SYT1: variants seen among roughly 807,000 people sequenced by gnomAD.
SYT1 encodes synaptotagmin-1.
Under a neutral mutation model 44.8 loss-of-function variants are expected in SYT1, and 8 were observed. That is an observed-to-expected ratio of 0.18 (90% CI 0.10 to 0.32). SYT1 has a LOEUF of 0.32. Ranked by LOEUF, SYT1 falls within the 10% of genes least tolerant of loss-of-function variation. The probability of loss-of-function intolerance (pLI) is 1.00; values close to 1 mark genes in which losing one functional copy is unlikely to be tolerated. For synonymous variants in SYT1, 154 were observed against 188.8 expected, an observed-to-expected ratio of 0.82 and a Z score of 1.51; for missense variants, 286 against 509.3, an observed-to-expected ratio of 0.56 and a Z score of 4.22.
chr12:79,035,633 A>G (rs1873080767), intron 2 of SYT1, among the ~76,000 whole-genome samples: 1 of 151,452 alleles, frequency 6.6e-6, no homozygotes, highest in East Asian at 2.0e-4. Flanking sequence ...CCACAAAGCC[A>G]CCCATTCTGC....
intron 3 of SYT1, among the ~76,000 whole-genome samples, chr12:79,184,412 T>C (rs890194731): frequency 6.6e-6 from 1 of 152,020 alleles, no homozygotes; most frequent in African/African-American, 2.4e-5. Flanking sequence ...GGGCTCAATT[T>C]GGTAATATGT....
intron 9 of SYT1, among the ~76,000 whole-genome samples, chr12:79,387,882 A>G (rs986502277): frequency 8.5e-5 from 13 of 152,258 alleles, no homozygotes; most frequent in African/African-American, 3.1e-4. Flanking sequence ...AATTATGTAT[A>G]GATCCAGACT....
intron 2 of SYT1, among the ~76,000 whole-genome samples, chr12:79,003,360 T>G (rs766668090): frequency 9.9e-5 from 15 of 152,002 alleles, no homozygotes; most frequent in Non-Finnish European, 1.5e-4. Context: ...ACTCTTCTAG[T>G]GTACCTGCCT....
chr12:79,399,728 TC>T (rs772756899), intron 9 of SYT1, among the ~76,000 whole-genome samples: 3 of 152,068 alleles, frequency 2.0e-5, no homozygotes, highest in Non-Finnish European at 2.9e-5. Flanking sequence ...AATCTGGAGG[TC>T]TTGTTAAAAT....
intron 4 of SYT1, among the ~76,000 whole-genome samples, chr12:79,236,240 C>A (rs1483857298): frequency 6.6e-6 from 1 of 152,200 alleles, no homozygotes; most frequent in Non-Finnish European, 1.5e-5. Flanking sequence ...GTTCAGAAAC[C>A]TTTAGTACTT....
intron 2 of SYT1, among the ~76,000 whole-genome samples, chr12:79,008,604 T>G (rs889220197): frequency 1.3e-5 from 2 of 152,092 alleles, no homozygotes; most frequent in African/African-American, 4.8e-5. Context: ...AGTAGTTAGA[T>G]TTGGACCACT....
At chr12:79,015,946 A>T (rs1014963508) in intron 2 of SYT1, among the ~76,000 whole-genome samples, 1 of 152,158 alleles carries the variant, frequency 6.6e-6, no homozygotes, top group Admixed American at 6.6e-5. Flanking sequence ...CAGATCTAAG[A>T]TGAAAACAAA....
chr12:79,220,364 G>A (rs889145173), intron 4 of SYT1, among the ~76,000 whole-genome samples: 58 of 151,898 alleles, frequency 3.8e-4, no homozygotes, highest in African/African-American at 1.3e-3. Context: ...TTTCAAAAAT[G>A]CAGTTTTGTT....
chr12:79,290,480 A>G (rs1203038873), intron 5 of SYT1, among the ~76,000 whole-genome samples: 3 of 152,154 alleles, frequency 2.0e-5, no homozygotes, highest in African/African-American at 7.2e-5. Context: ...GGGGTAGCAG[A>G]GTGGAGGAAC....
At chr12:79,040,994 G>T (rs1426092865) in intron 2 of SYT1, among the ~76,000 whole-genome samples, 1 of 151,890 alleles carries the variant, frequency 6.6e-6, no homozygotes, top group Admixed American at 6.6e-5. Context: ...TCTCTGTTTT[G>T]GTACCAGTAC....
At chr12:79,335,709 A>G (rs532123627) in intron 8 of SYT1, among the ~76,000 whole-genome samples, 31 of 152,316 alleles carry the variant, frequency 2.0e-4, no homozygotes, top group African/African-American at 7.5e-4. Flanking sequence ...TCAAAAACAC[A>G]TACCCTGTGC....
chr12:79,377,815 A>G (rs1884062127), intron 9 of SYT1, among the ~76,000 whole-genome samples: 2 of 152,220 alleles, frequency 1.3e-5, no homozygotes, highest in African/African-American at 2.4e-5. Context: ...CAGGTTCAGG[A>G]AGAGAGGAGA....
chr12:78,949,197 A>C (rs1878832123), intron 1 of SYT1, among the ~76,000 whole-genome samples: 1 of 151,594 alleles, frequency 6.6e-6, no homozygotes, highest in South Asian at 2.1e-4. Context: ...ATAGGCAAAA[A>C]ATACTAGAAA....
intron 2 of SYT1, among the ~76,000 whole-genome samples, chr12:79,032,519 T>G (rs1872889963): frequency 6.6e-6 from 1 of 151,266 alleles, no homozygotes; most frequent in Non-Finnish European, 1.5e-5. Context: ...ACAAAAATAC[T>G]GTGATTTGTA....
intron 8 of SYT1, among the ~76,000 whole-genome samples, chr12:79,345,401 AT>A (rs1219590539): frequency 6.6e-6 from 1 of 152,182 alleles, no homozygotes; most frequent in African/African-American, 2.4e-5. Context: ...AATGCATTAT[AT>A]TTTTACTCAT....
At chr12:79,276,521 C>G (rs1298186862) in intron 4 of SYT1, among the ~76,000 whole-genome samples, 1 of 151,510 alleles carries the variant, frequency 6.6e-6, no homozygotes, top group Non-Finnish European at 1.5e-5. Flanking sequence ...ACTAAAAATA[C>G]AAAAATTAGC....
intron 1 of SYT1, among the ~76,000 whole-genome samples, chr12:78,897,019 T>C (rs1049730696): frequency 5.3e-5 from 8 of 151,814 alleles, no homozygotes; most frequent in African/African-American, 1.9e-4. Context: ...TAACAAAATA[T>C]CTATATAAGT....
chr12:79,272,435 G>A (rs1056940653), intron 4 of SYT1, among the ~76,000 whole-genome samples: 2 of 152,140 alleles, frequency 1.3e-5, no homozygotes, highest in Non-Finnish European at 2.9e-5. Context: ...TAAAAGAAGA[G>A]TAAAACACAT....
intron 3 of SYT1, among the ~76,000 whole-genome samples, chr12:79,189,698 G>T (rs1204958298): frequency 6.6e-6 from 1 of 152,130 alleles, no homozygotes; most frequent in Non-Finnish European, 1.5e-5. Flanking sequence ...GAGGTCAAGA[G>T]TTTGAGACTA....
Sources: gnomAD v4.1 joint callset for allele counts (sites outside exome capture counted in the v4.1 genomes callset) on GRCh38, gnomAD v4.1.1 for gene constraint, MANE v1.5 for transcripts, NCBI Gene and HGNC (gene_info 2026-07-23, HGNC 2026-07-21) for gene names.